The following IFT140 variants were observed in gnomAD, a reference collection of about 807,000 sequenced individuals.
The protein encoded by IFT140 is intraflagellar transport 140.
IFT140 carries 133 observed loss-of-function variants against 164.6 expected under a neutral mutation model. That is an observed-to-expected ratio of 0.81 (90% confidence interval 0.70 to 0.93). The LOEUF (loss-of-function observed/expected upper bound fraction) is 0.93, where lower values mean the gene tolerates loss of function less well. IFT140 is among the 40% of genes least tolerant of loss of function. The probability of loss-of-function intolerance (pLI) is 0.00; values close to 1 mark genes in which losing one functional copy is unlikely to be tolerated. For missense variants in IFT140, 2,045 were observed against 1,972.3 expected (o/e 1.04, Z -0.70); for synonymous variants, 860 against 817.3 (o/e 1.05, Z -0.89).
At chr16:1,556,737 T>C in intron 19 of IFT140, among the ~76,000 whole-genome samples, 1 of 152,066 alleles carries the variant, frequency 6.6e-6, no homozygotes, top group Non-Finnish European at 1.5e-5. Flanking sequence ...TCAACTTTTT[T>C]ATGACAAGGA....
chr16:1,584,364 G>A lies in IFT140; in HGVS notation c.1212C>T (p.Leu404=), dbSNP rs1399228341. Residue 404 remains leucine, a synonymous_variant, in exon 11 of 31, where the codon CTC becomes CTT. Transcript: ENST00000426508. The part of the protein sequence containing the change: ...AVNSVISVAI[L]SERAMSSHFH... ...AGTGTGACGACATGGCCCGCTCGCT[G>A]AGGATGGCCACGGAGATGACGCTGT... is the stretch of plus-strand genomic sequence containing the variant. 4.3e-6 allele frequency: 7 copies of A among 1,613,146 alleles called. No individual in the cohort carries two copies. In the South Asian group the frequency reaches 7.7e-5, roughly 18 times the overall value.
chr16:1,519,330 A>G (rs1466875816), intron 29 of IFT140, among the ~76,000 whole-genome samples: 1 of 152,218 alleles, frequency 6.6e-6, no homozygotes, highest in Admixed American at 6.5e-5. Context: ...TGGTGGCCAC[A>G]CAGCAGCTCT....
At position 1,584,409 on chromosome 16, in the gene IFT140, C is replaced by T; in HGVS notation, c.1167G>A (p.Arg389=). Residue 389 remains arginine (R), a synonymous_variant, in exon 11 of 31, where the codon AGG becomes AGA. Transcript: ENST00000426508. ...CGCTGTTCACTGCCAGCAGGTTCTT[C>T]CTGGAACCCCACTTCATTTCCAGGT... is the stretch of plus-strand genomic sequence containing the variant. ...GNITQIQWGS[R]KNLLAVNSVI... The T allele has an allele frequency of 1.2e-6, 2 of 1,606,468 alleles. No homozygotes were observed. Among genetic ancestry groups the T allele is most frequent in the Non-Finnish European group, 8.5e-7 (1 of 1,177,244 alleles).
At position 1,551,036 on chromosome 16, in the gene IFT140, G is replaced by A. The variant is rs995491913; in HGVS notation, c.2399+6899C>T. ...TGGCCAAAGGGCTCTGTCCCTTTGAGGGGTCCTGGTCACTCAACTGCCAAG... is the reference window on the plus strand; with the variant it reads ...TGGCCAAAGGGCTCTGTCCCTTTGAAGGGTCCTGGTCACTCAACTGCCAAG... On this transcript the variant is annotated intron_variant, in intron 19 of 30. Transcript: ENST00000426508. The surrounding 1 kb of genome is among the most constrained non-coding windows in gnomAD (Gnocchi z 4.0). Among the ~76,000 whole-genome samples the A allele has an allele frequency of 5.3e-5, 8 of 152,200 alleles. No individual in the cohort carries two copies. Among genetic ancestry groups the A allele is most frequent in the African/African-American group, 1.9e-4 (8 of 41,450 alleles).
intron 19 of IFT140, among the ~76,000 whole-genome samples, chr16:1,530,274 A>C (rs2030325617): frequency 6.6e-6 from 1 of 151,354 alleles, no homozygotes; most frequent in Non-Finnish European, 1.5e-5. Flanking sequence ...TTGGGACTAC[A>C]GGCATGCGCC....
chr16:1,520,957 G>T, intron 26 of IFT140, 149 bp from the exon 27 acceptor site: 1 of 639,338 alleles, frequency 1.6e-6, no homozygotes, highest in Non-Finnish European at 2.7e-6. Context: ...GGACAAGGAT[G>T]TCTCCCCTGC....
At chr16:1,609,683 C>T (rs978601446) in intron 2 of IFT140, among the ~76,000 whole-genome samples, 1 of 152,168 alleles carries the variant, frequency 6.6e-6, no homozygotes, top group African/African-American at 2.4e-5. Flanking sequence ...ATACACAATG[C>T]ATTAATATAA....
intron 30 of IFT140, among the ~76,000 whole-genome samples, chr16:1,512,312 G>A (rs1215173326): frequency 6.6e-6 from 1 of 152,064 alleles, no homozygotes; most frequent in Non-Finnish European, 1.5e-5. Context: ...GAGGGTGTGT[G>A]CGGGCTGTGC....
rs559227474 is a variant in IFT140 at position 1,530,127 on chromosome 16, G to A, written c.2400-3331C>T. ...CTCCTGTCCCAAAAGACTTCACGAC[G>A]GGAATCTTTTTTTTTTTTTTTTTTT... On this transcript the variant is annotated intron_variant, in intron 19 of 30. Coordinates refer to ENST00000426508, the MANE Select transcript of IFT140 (RefSeq NM_014714.4). 3.7e-5 allele frequency among the ~76,000 whole-genome samples: 5 copies of A among 135,488 alleles called. No homozygotes were observed. The South Asian group carries it at 9.2e-4, about 25-fold the overall frequency. The allele number at this position is 135,488 out of a possible 152,430, so 88.9% of individuals were successfully genotyped here.
Position 1,564,311 on chromosome 16 carries a change from T to C in IFT140, c.1902-149A>G. On this transcript the variant is annotated intron_variant, in intron 16 of 30. Coordinates refer to ENST00000426508, the MANE Select transcript of IFT140 (RefSeq NM_014714.4). This position sits in a 1 kb window ranked among gnomAD's most constrained non-coding sequence, Gnocchi z 5.5. The stretch of plus-strand genomic sequence containing the variant: ...TCTGGGAGAACTTTTGGGGTCTCAC[T>C]GCCATGCGCCCTACTGGAACATGTT... 1 of 517,050 alleles carries C rather than the reference T, an allele frequency of 1.9e-6. No homozygotes were observed. Among genetic ancestry groups the C allele is most frequent in the Non-Finnish European group, 3.3e-6 (1 of 302,328 alleles). 32.0% of individuals were successfully genotyped at this position (517,050 alleles called of 1,614,324 possible).
chr16:1,556,014 G>A (rs537364042), intron 19 of IFT140, among the ~76,000 whole-genome samples: 15 of 152,332 alleles, frequency 9.8e-5, no homozygotes, highest in Admixed American at 6.5e-4. Context: ...GCTGAGGCAG[G>A]AAAATTGCTT....
intron 19 of IFT140, among the ~76,000 whole-genome samples, chr16:1,540,230 G>T (rs1447150557): frequency 6.6e-6 from 1 of 152,256 alleles, no homozygotes; most frequent in Non-Finnish European, 1.5e-5. Context: ...AGATGCCTCG[G>T]CTCCAGAGCT....
At chr16:1,560,323 T>C (rs1596365798) in intron 18 of IFT140, among the ~76,000 whole-genome samples, 1 of 152,336 alleles carries the variant, frequency 6.6e-6, no homozygotes, top group South Asian at 2.1e-4. Context: ...CTGCTGGCTG[T>C]GCAGCCTGGC....
rs1373072762 is a variant in IFT140, at chr16:1,553,283, T to C, written c.2399+4652A>G. The C allele has an allele frequency of 1.0e-6, 1 of 981,466 alleles. No individual in the cohort carries two copies. The highest frequency in any genetic ancestry group is 1.2e-6 in the Non-Finnish European group (1 of 826,514). 60.8% of individuals were successfully genotyped at this position (981,466 alleles called of 1,614,324 possible). A position where few individuals can be genotyped will look rare whatever the true frequency, so the allele number is the denominator to read the frequency against. ...ATCTCTCTTGGTCTCTGTCTCTCTGTGTCTCTGCCTGTCTCTCTGTGTCTC... is the reference window on the plus strand; with the variant it reads ...ATCTCTCTTGGTCTCTGTCTCTCTGCGTCTCTGCCTGTCTCTCTGTGTCTC... On this transcript the variant is annotated intron_variant, in intron 19 of 30. Coordinates refer to ENST00000426508, the MANE Select transcript of IFT140 (RefSeq NM_014714.4). The surrounding 1 kb of genome is among the most constrained non-coding windows in gnomAD (Gnocchi z 4.4).
At chr16:1,599,651 G>T (rs2035674946) in intron 4 of IFT140, among the ~76,000 whole-genome samples, 1 of 42,988 alleles carries the variant, frequency 2.3e-5, no homozygotes, top group Admixed American at 1.7e-4. Context: ...GAGGGAGGTG[G>T]GGGGGGTCAG....
chr16:1,521,196 T>C (rs2040516858), intron 26 of IFT140, among the ~76,000 whole-genome samples: 1 of 152,058 alleles, frequency 6.6e-6, no homozygotes, highest in South Asian at 2.1e-4. Context: ...CACGGCAGCC[T>C]CCACCTCCCC....
chr16:1,592,803 C>G (rs557382857), intron 4 of IFT140, among the ~76,000 whole-genome samples: 122 of 143,952 alleles, frequency 8.5e-4, no homozygotes, highest in African/African-American at 2.7e-3. Flanking sequence ...CACACGGTGC[C>G]CAGCACTGAC....
At chr16:1,554,750 A>G (rs1429000466) in intron 19 of IFT140, 1 of 1,610,116 alleles carries the variant, frequency 6.2e-7, no homozygotes, top group East Asian at 2.2e-5. Context: ...TTCCTCTCAG[A>G]CAAGGCCTCT....
intron 12 of IFT140, among the ~76,000 whole-genome samples, 190 bp from the exon 13 acceptor site, chr16:1,581,040 C>T (rs2034532488): frequency 6.6e-6 from 1 of 152,186 alleles, no homozygotes; most frequent in Admixed American, 6.5e-5. Flanking sequence ...GTGGCCACGG[C>T]TAGCAGTGGC....
Sources: gnomAD v4.1 joint callset for allele counts (sites outside exome capture counted in the v4.1 genomes callset) on GRCh38, gnomAD v4.1.1 for gene constraint, Gnocchi (gnomAD v3.1) non-coding constraint, MANE v1.5 for transcripts, NCBI Gene and HGNC (gene_info 2026-07-23, HGNC 2026-07-21) for gene names.